Variants in TF observed in about 807,000 individuals in gnomAD.
The protein encoded by TF is transferrin.
Under a neutral mutation model 82.4 loss-of-function variants are expected in TF, and 55 were observed. The ratio of observed to expected loss-of-function variants is 0.67; its 90% CI spans 0.54 to 0.84. TF has a LOEUF of 0.84. TF is among the 40% of genes least tolerant of loss of function. The pLI, the probability that TF is intolerant of heterozygous loss-of-function variation, is 0.00. For missense variants in TF, 737 were observed against 868.4 expected (o/e 0.85, Z 1.90); for synonymous variants, 332 against 332.6 (o/e 1.00, Z 0.02).
chr3:133,732,978 C>T, the TF span, among the ~76,000 whole-genome samples: 2 of 152,124 alleles, frequency 1.3e-5, no homozygotes, highest in Admixed American at 6.5e-5. Flanking sequence ...AGAACCAGGG[C>T]CAGGATCTTC....
chr3:133,766,936 C>T (rs1934143197), intron 12 of TF, among the ~76,000 whole-genome samples: 1 of 152,134 alleles, frequency 6.6e-6, no homozygotes, highest in African/African-American at 2.4e-5. Context: ...CTTCTCATTG[C>T]CCAGAACTTA....
chr3:133,761,177 C>G, intron 9 of TF: 1 of 211,556 alleles, frequency 4.7e-6, no homozygotes, highest in Admixed American at 4.2e-5. Context: ...GTCATCATCT[C>G]GCATAGAAAC....
the TF span, among the ~76,000 whole-genome samples, chr3:133,701,593 G>T: frequency 6.6e-6 from 1 of 152,192 alleles, no homozygotes; most frequent in Admixed American, 6.5e-5. Flanking sequence ...CAGAACTCGT[G>T]ACTGCCAAGT....
the TF span, among the ~76,000 whole-genome samples, chr3:133,705,240 C>T: frequency 6.7e-6 from 1 of 150,138 alleles, no homozygotes; most frequent in African/African-American, 2.5e-5. Context: ...TGCCATTGCA[C>T]TCCAGCCTGG....
the TF span, among the ~76,000 whole-genome samples, chr3:133,696,932 C>T: frequency 6.6e-6 from 1 of 152,056 alleles, no homozygotes; most frequent in Non-Finnish European, 1.5e-5. Flanking sequence ...CTATCAGATA[C>T]AGAACATTCA....
At chr3:133,721,130 C>T in the TF span, among the ~76,000 whole-genome samples, 2 of 151,942 alleles carry the variant, frequency 1.3e-5, no homozygotes, top group Non-Finnish European at 2.9e-5. Context: ...CTTCCTTCTA[C>T]CAATTTCAGG....
chr3:133,753,984 A>G lies in TF; in HGVS notation c.325+281A>G, dbSNP rs41298981. 526 of 541,686 alleles carry G rather than the reference A, an allele frequency of 9.7e-4. 1 individual carries two copies. Among genetic ancestry groups the G allele is most frequent in the African/African-American group, 9.0e-3 (475 of 52,762 alleles). 33.6% of individuals were successfully genotyped at this position (541,686 alleles called of 1,614,324 possible). A position where few individuals can be genotyped will look rare whatever the true frequency, so the allele number is the denominator to read the frequency against. ...CTGTGTGCAGCTTGACCTGAAGGCT[A>G]CTGCGGTCTACTGATATGTCTAGGG... On this transcript the variant is annotated intron_variant, in intron 3 of 16. Transcript: ENST00000402696.
the TF span, among the ~76,000 whole-genome samples, chr3:133,698,228 A>T: frequency 6.6e-6 from 1 of 152,138 alleles, no homozygotes; most frequent in African/African-American, 2.4e-5. Flanking sequence ...CTGCACTTTC[A>T]TTGCTTCTTT....
At position 133,746,489 on chromosome 3, in the gene TF, TGCGGGCACGGGGTAGCACC is replaced by T; in HGVS notation, c.43+9_43+27del. The T allele has an allele frequency of 6.3e-7, 1 of 1,596,678 alleles. No individual in the cohort carries two copies. Among genetic ancestry groups the T allele is most frequent in the Non-Finnish European group, 8.5e-7 (1 of 1,176,508 alleles). On this transcript the variant is annotated splice_region_variant and intron_variant, in intron 1 of 16. Transcript: ENST00000402696. ...GCTGGTCTGCGCCGTCCTGGGTGAG[TGCGGGCACGGGGTAGCACC>T]GCAGAGTCGCTGGCCCGCGCGTTCC...
upstream of TF, among the ~76,000 whole-genome samples, chr3:133,741,094 C>T (rs980026740): frequency 6.7e-6 from 1 of 148,486 alleles, no homozygotes. Flanking sequence ...CAGATTCAAG[C>T]AATTCCCCCA....
At chr3:133,752,080 A>G (rs1933688088) in intron 2 of TF, among the ~76,000 whole-genome samples, 1 of 148,358 alleles carries the variant, frequency 6.7e-6, no homozygotes, top group Non-Finnish European at 1.5e-5. Flanking sequence ...TCATGGAACT[A>G]TAGCTTTTGC....
chr3:133,714,965 G>A, the TF span, among the ~76,000 whole-genome samples: 1 of 152,148 alleles, frequency 6.6e-6, no homozygotes, highest in East Asian at 1.9e-4. Context: ...TTACAGGTGT[G>A]AGCCACCACA....
At chr3:133,672,845 G>C in the TF span, among the ~76,000 whole-genome samples, 1 of 151,798 alleles carries the variant, frequency 6.6e-6, no homozygotes, top group Non-Finnish European at 1.5e-5. Context: ...AATAAGAGAA[G>C]TTTACCACAT....
chr3:133,753,672 T>A lies in TF; in HGVS notation c.294T>A (p.Pro98=). The A allele has an allele frequency of 6.2e-7, 1 of 1,614,194 alleles. No homozygotes were observed. The highest frequency in any genetic ancestry group is 8.5e-7 in the Non-Finnish European group (1 of 1,180,018). ...DAYLAPNNLK[P]VVAEFYGSKE... ...ACCTGGCTCCCAATAACCTGAAGCC[T>A]GTGGTGGCAGAGTTCTATGGGTCAA... is the stretch of plus-strand genomic sequence containing the variant. The change falls in exon 3 of 17, where the codon CCT becomes CCA. Residue 98 remains proline, a synonymous_variant. Transcript: ENST00000402696.
Position 133,786,844 on chromosome 3 carries a change from C to T in TF, c.*8224C>T, listed in dbSNP as rs1457711080. 6.6e-6 allele frequency: 1 copy of T among 152,216 alleles called. No homozygotes were observed. The highest frequency in any genetic ancestry group is 2.4e-5 in the African/African-American group (1 of 41,462). 9.4% of individuals were successfully genotyped at this position (152,216 alleles called of 1,614,324 possible). ...CGAATTAACTTCTTACCTGAAACAT[C>T]TTATCTATGTAGATGTTCAGAATTG... On this transcript the variant is annotated 3_prime_UTR_variant, in exon 17 of 17. Transcript: ENST00000402696.
chr3:133,711,937 C>G, the TF span, among the ~76,000 whole-genome samples: 1 of 152,080 alleles, frequency 6.6e-6, no homozygotes, highest in Non-Finnish European at 1.5e-5. Context: ...CACCCCAACA[C>G]AGGCCTGTGC....
the TF span, chr3:133,709,987 G>A: frequency 6.6e-6 from 1 of 152,292 alleles, no homozygotes; most frequent in Admixed American, 6.5e-5. Context: ...GTGAGCGCGA[G>A]TGTGTTGTTT....
Position 133,748,890 on chromosome 3 carries a change from T to G in TF, c.216+306T>G, listed in dbSNP as rs1232516615. Among the ~76,000 whole-genome samples, 5 of 152,154 alleles carry G rather than the reference T, an allele frequency of 3.3e-5. No homozygotes were observed. The East Asian group carries it at 7.7e-4, about 24-fold the overall frequency. On this transcript the variant is annotated intron_variant, in intron 2 of 16. Transcript: ENST00000402696. ...ATGCCTGCTATCAGGCTGGGCGCGG[T>G]GGCTCATGCCTGAAATCCTAGCACT...
At chr3:133,683,328 G>A in the TF span, among the ~76,000 whole-genome samples, 1 of 152,198 alleles carries the variant, frequency 6.6e-6, no homozygotes, top group Non-Finnish European at 1.5e-5. Flanking sequence ...ACATCATAAT[G>A]ACAGGATCAA....
Sources: gnomAD v4.1 joint callset for allele counts (sites outside exome capture counted in the v4.1 genomes callset) on GRCh38, gnomAD v4.1.1 for gene constraint, MANE v1.5 for transcripts, NCBI Gene and HGNC (gene_info 2026-07-23, HGNC 2026-07-21) for gene names.